Variants in MIOS observed in about 807,000 individuals in gnomAD.
MIOS encodes meiosis regulator for oocyte development, also known as GATOR2 complex protein MIOS.
A neutral mutation model predicts 96.9 loss-of-function variants in MIOS; 52 were observed. The observed-to-expected ratio is 0.54, with a 90% CI of 0.43 to 0.68. The LOEUF is 0.68. MIOS is among the 30% of genes least tolerant of loss of function. MIOS has a pLI of 0.00. For missense variants in MIOS, 1,005 were observed against 1,052.8 expected, an observed-to-expected ratio of 0.95 and a Z score of 0.63; for synonymous variants, 397 against 359.5, an observed-to-expected ratio of 1.10 and a Z score of -1.18.
intron 5 of MIOS, among the ~76,000 whole-genome samples, chr7:7,580,540 T>C (rs1185329438): frequency 6.6e-6 from 1 of 152,184 alleles, no homozygotes; most frequent in African/African-American, 2.4e-5. Context: ...TTGAAACTTT[T>C]TCATAAAGCA....
intron 11 of MIOS, among the ~76,000 whole-genome samples, chr7:7,604,254 G>A (rs1784463440): frequency 6.6e-6 from 1 of 151,922 alleles, no homozygotes; most frequent in African/African-American, 2.4e-5. Context: ...AGTGGCTCGA[G>A]TATCTAAACC....
At chr7:7,598,942 A>C (rs1784293115) in intron 11 of MIOS, among the ~76,000 whole-genome samples, 1 of 152,156 alleles carries the variant, frequency 6.6e-6, no homozygotes, top group Non-Finnish European at 1.5e-5. Flanking sequence ...TAATTTCTTT[A>C]TATATATAAT....
At chr7:7,598,313 C>T (rs535519692) in intron 11 of MIOS, among the ~76,000 whole-genome samples, 78 of 152,230 alleles carry the variant, frequency 5.1e-4, no homozygotes, top group African/African-American at 1.8e-3. Flanking sequence ...TATTCTGTAT[C>T]GTGTTCATTT....
rs978954169 is a variant in MIOS, at chr7:7,573,128, A to G, written c.653A>G (p.Gln218Arg). 7 of 1,614,124 alleles carry G rather than the reference A, an allele frequency of 4.3e-6. No homozygotes were observed. Among genetic ancestry groups the G allele is most frequent in the Admixed American group, 1.7e-5 (1 of 60,012 alleles). Residue 218 changes from glutamine to arginine, a missense_variant, in exon 4 of 13, where the codon CAA (glutamine) becomes CGA (arginine). Gln to Arg is a conservative substitution (Grantham distance 43). This residue lies in a region of MIOS where 865 missense variants were observed against 887.9 expected (regional missense o/e 0.97). Transcript: ENST00000340080. The surrounding 1 kb of genome is among the most constrained non-coding windows in gnomAD (Gnocchi z 5.0). ...LAIFDLRNTS[Q>R]KMFVNTKAVQ... is the part of the protein sequence containing the mutation. Reference sequence around the variant, plus strand: ...ATATTTGATCTTCGGAATACAAGCCAAAAGATGTTCGTAAATACAAAAGCT... The same window carrying G: ...ATATTTGATCTTCGGAATACAAGCCGAAAGATGTTCGTAAATACAAAAGCT...
At chr7:7,597,233 G>C (rs1784229073) in intron 11 of MIOS, among the ~76,000 whole-genome samples, 1 of 151,496 alleles carries the variant, frequency 6.6e-6, no homozygotes, top group East Asian at 2.0e-4. Flanking sequence ...GGCTGAGGCA[G>C]GAGAATTGCT....
rs752165272 is a variant in MIOS at position 7,608,026 on chromosome 7, G to T, written c.*934G>T. On this transcript the variant is annotated 3_prime_UTR_variant, in exon 13 of 13. Coordinates refer to ENST00000340080, the MANE Select transcript of MIOS (RefSeq NM_019005.4). ...TTTCTGTGCTGTCAAATTCCGTCCT[G>T]ATTTGGAATACCATACCTTGTTCTT... The T allele has an allele frequency of 1.1e-4, 17 of 152,100 alleles. 1 individual carries two copies. The highest frequency in any genetic ancestry group is 2.6e-4 in the Admixed American group (4 of 15,252). 9.4% of individuals were successfully genotyped at this position (152,100 alleles called of 1,614,324 possible). A position where few individuals can be genotyped will look rare whatever the true frequency, so the allele number is the denominator to read the frequency against.
intron 3 of MIOS, among the ~76,000 whole-genome samples, chr7:7,571,062 C>T (rs923924501): frequency 9.2e-5 from 14 of 152,172 alleles, no homozygotes; most frequent in African/African-American, 2.9e-4. Context: ...ATGCCAGGCT[C>T]TATATATGGC....
intron 9 of MIOS, 150 bp downstream of exon 9, chr7:7,589,713 G>T (rs999244269): frequency 1.3e-4 from 100 of 779,252 alleles, no homozygotes; most frequent in South Asian, 7.9e-5. Flanking sequence ...GAAGACTTGT[G>T]CCTTATCTTA....
chr7:7,584,804 C>T (rs1051560618), intron 6 of MIOS, among the ~76,000 whole-genome samples: 23 of 152,080 alleles, frequency 1.5e-4, no homozygotes, highest in Admixed American at 9.8e-4. Flanking sequence ...AGCTGAACTT[C>T]GGTTAGAAGA....
At chr7:7,588,232 T>G (rs1251087773) in intron 7 of MIOS, among the ~76,000 whole-genome samples, 1 of 152,170 alleles carries the variant, frequency 6.6e-6, no homozygotes, top group Non-Finnish European at 1.5e-5. Flanking sequence ...TATGTAAGAC[T>G]GACCTGGATT....
At chr7:7,576,415 A>G (rs987485498) in intron 5 of MIOS, among the ~76,000 whole-genome samples, 1 of 152,230 alleles carries the variant, frequency 6.6e-6, no homozygotes, top group East Asian at 1.9e-4. Flanking sequence ...AGGGAAGAAC[A>G]GACAGTTAAT....
intron 5 of MIOS, chr7:7,582,714 C>A: frequency 1.5e-6 from 1 of 666,642 alleles, no homozygotes; most frequent in Non-Finnish European, 1.9e-6. Context: ...AGACACCTGC[C>A]CTTTTGGAGC....
At chr7:7,592,334 G>T (rs1369902900) in intron 9 of MIOS, among the ~76,000 whole-genome samples, 1 of 152,148 alleles carries the variant, frequency 6.6e-6, no homozygotes, top group African/African-American at 2.4e-5. Flanking sequence ...TCTGTCTGCT[G>T]TTAAACTTCC....
Position 7,585,430 on chromosome 7 carries a change from T to C in MIOS, c.1649-206T>C, listed in dbSNP as rs188541674. ...CAAACCCCCCCCTTTTTTTTTTTTT[T>C]CAAGAGTAAAGTGCAACTTTATTAA... is the stretch of plus-strand genomic sequence containing the variant. On this transcript the variant is annotated intron_variant, in intron 6 of 12. Transcript: ENST00000340080. Among the ~76,000 whole-genome samples, 213 of 144,146 alleles carry C rather than the reference T, an allele frequency of 1.5e-3. 2 individuals carry two copies. The highest frequency in any genetic ancestry group is 5.2e-3 in the African/African-American group (204 of 39,190). The allele number at this position is 144,146 out of a possible 152,430, so 94.6% of individuals were successfully genotyped here.
chr7:7,570,155 A>G (rs1036574083), intron 3 of MIOS, among the ~76,000 whole-genome samples: 1 of 152,218 alleles, frequency 6.6e-6, no homozygotes, highest in Non-Finnish European at 1.5e-5. Flanking sequence ...CACACCAGAT[A>G]TGTTGTATAC....
chr7:7,578,076 TAGAA>T (rs1175929270), intron 5 of MIOS, among the ~76,000 whole-genome samples: 1 of 152,172 alleles, frequency 6.6e-6, no homozygotes, highest in African/African-American at 2.4e-5. Flanking sequence ...TGGTTGTGGT[TAGAA>T]AGTAGGTCTT....
chr7:7,604,750 T>C (rs1450029005), intron 11 of MIOS, among the ~76,000 whole-genome samples: 1 of 152,216 alleles, frequency 6.6e-6, no homozygotes, highest in Admixed American at 6.5e-5. Flanking sequence ...ACCTTAATAC[T>C]TCCAGTTTCG....
At chr7:7,591,133 A>G (rs1784036827) in intron 9 of MIOS, among the ~76,000 whole-genome samples, 1 of 152,016 alleles carries the variant, frequency 6.6e-6, no homozygotes, top group South Asian at 2.1e-4. Context: ...AATATAGGTG[A>G]CAGATTCTCT....
rs1784562010 is a variant in MIOS at position 7,607,378 on chromosome 7, T to C, written c.*286T>C. 1 of 209,526 alleles carries C rather than the reference T, an allele frequency of 4.8e-6. No individual in the cohort carries two copies. The highest frequency in any genetic ancestry group is 1.2e-4 in the South Asian group (1 of 8,080). 13.0% of individuals were successfully genotyped at this position (209,526 alleles called of 1,614,324 possible). On this transcript the variant is annotated 3_prime_UTR_variant, in exon 13 of 13. Transcript: ENST00000340080. ...GTTTTGGTTGAAATTATGAACACTC[T>C]AGAAGCAGAATTTCTGGAAGAGCCA...
Sources: allele counts gnomAD v4.1 joint callset (sites outside exome capture counted in the v4.1 genomes callset), GRCh38; gene constraint gnomAD v4.1.1; regional missense constraint gnomAD v4.1.1; non-coding constraint Gnocchi (gnomAD v3.1); transcripts MANE v1.5; gene names NCBI Gene and HGNC (gene_info 2026-07-23, HGNC 2026-07-21).